RBFOX1: variants seen among roughly 807,000 people sequenced by gnomAD.
The protein encoded by RBFOX1 is RNA binding protein fox-1 homolog 1.
RBFOX1 carries 8 observed loss-of-function variants against 57.7 expected under a neutral mutation model. The observed-to-expected ratio is 0.14, with a 90% CI of 0.08 to 0.25. The LOEUF (loss-of-function observed/expected upper bound fraction) is 0.25, where lower values mean the gene tolerates loss of function less well. RBFOX1 is among the 10% of genes least tolerant of loss of function. The probability of loss-of-function intolerance (pLI) is 1.00; values close to 1 mark genes in which losing one functional copy is unlikely to be tolerated. For synonymous variants in RBFOX1, 326 were observed against 222.4 expected (o/e 1.47, Z -4.15); for missense variants, 611 against 548.5 (o/e 1.11, Z -1.14).
rs566245776 is a variant in RBFOX1, at chr16:5,829,582, TC to T, written c.319-37716del. On this transcript the variant is annotated intron_variant, in intron 3 of 19. Transcript: ENST00000641259. Reference sequence around the variant, plus strand: ...TGGCCCTCTTCTACCTCCTCCAACATCCCCCTCCATCCCCTCCTTTTCTTTC... The same window carrying T: ...TGGCCCTCTTCTACCTCCTCCAACATCCCCTCCATCCCCTCCTTTTCTTTC... Among the ~76,000 whole-genome samples, 502 of 152,152 alleles carry T rather than the reference TC, an allele frequency of 3.3e-3. 6 individuals carry two copies. The highest frequency in any genetic ancestry group is 0.011 in the African/African-American group (466 of 41,522).
intron 2 of RBFOX1, among the ~76,000 whole-genome samples, chr16:5,477,433 C>A (rs2069367707): frequency 6.6e-6 from 1 of 152,136 alleles, no homozygotes; most frequent in Admixed American, 6.5e-5. Flanking sequence ...AATGCTCAGC[C>A]CCTCCTGGGG....
At chr16:7,637,744 A>AT (rs1428919985) in intron 11 of RBFOX1, among the ~76,000 whole-genome samples, 1 of 151,958 alleles carries the variant, frequency 6.6e-6, no homozygotes, top group African/African-American at 2.4e-5. Flanking sequence ...CCTCCTAGAT[A>AT]TTTTTCTACT....
At chr16:5,907,720 T>A (rs537324521) in intron 4 of RBFOX1, among the ~76,000 whole-genome samples, 5 of 129,470 alleles carry the variant, frequency 3.9e-5, no homozygotes, top group African/African-American at 1.6e-4. Flanking sequence ...AGGAGACTAT[T>A]TATCATCATC....
intron 3 of RBFOX1, among the ~76,000 whole-genome samples, chr16:6,851,977 G>A (rs934984869): frequency 3.3e-5 from 5 of 150,872 alleles, no homozygotes; most frequent in Non-Finnish European, 5.9e-5. Context: ...CCAGGCTGGA[G>A]TCCAGTGGTG....
At chr16:7,367,906 A>ACACG (rs1015526536) in intron 4 of RBFOX1, among the ~76,000 whole-genome samples, 2 of 151,240 alleles carry the variant, frequency 1.3e-5, no homozygotes, top group African/African-American at 4.9e-5. Flanking sequence ...ACACACACAC[A>ACACG]CACACACAGA....
At chr16:5,796,848 A>G (rs1423820147) in intron 3 of RBFOX1, among the ~76,000 whole-genome samples, 1 of 152,050 alleles carries the variant, frequency 6.6e-6, no homozygotes, top group East Asian at 1.9e-4. Flanking sequence ...TAACCTCTAT[A>G]TGGCCCTCAC....
chr16:5,820,411 C>G (rs548071790), intron 3 of RBFOX1, among the ~76,000 whole-genome samples: 1 of 152,072 alleles, frequency 6.6e-6, no homozygotes, highest in Non-Finnish European at 1.5e-5. Context: ...GAGGAAGGAC[C>G]ATCCCGGTGA....
chr16:6,100,705 T>C (rs943944612), intron 1 of RBFOX1, among the ~76,000 whole-genome samples: 2 of 152,180 alleles, frequency 1.3e-5, no homozygotes, highest in Non-Finnish European at 2.9e-5. Context: ...GAGACTATTA[T>C]TGTTTCTGTG....
intron 2 of RBFOX1, among the ~76,000 whole-genome samples, chr16:5,475,316 TTAAG>T (rs2069282591): frequency 6.6e-6 from 1 of 152,250 alleles, no homozygotes; most frequent in Non-Finnish European, 1.5e-5. Context: ...CATCCTGCTA[TTAAG>T]TCTACATTCG....
At chr16:5,741,787 T>C (rs1189027304) in intron 3 of RBFOX1, among the ~76,000 whole-genome samples, 1 of 152,206 alleles carries the variant, frequency 6.6e-6, no homozygotes. Flanking sequence ...GTAGAAACTT[T>C]CGTTAAAGAA....
intron 1 of RBFOX1, among the ~76,000 whole-genome samples, chr16:6,240,569 A>G (rs2097534939): frequency 1.3e-5 from 2 of 152,048 alleles, no homozygotes. Flanking sequence ...TTTGTCTGCA[A>G]GTACAAACCC....
At chr16:6,942,775 A>G (rs1223721661) in intron 3 of RBFOX1, among the ~76,000 whole-genome samples, 1 of 152,192 alleles carries the variant, frequency 6.6e-6, no homozygotes, top group Non-Finnish European at 1.5e-5. Flanking sequence ...AAATAAGGGC[A>G]AATGGTTTTT....
At chr16:7,709,447 CTTT>C (rs75160475) in intron 15 of RBFOX1, 18 of 1,309,462 alleles carry the variant, frequency 1.4e-5, no homozygotes, top group Middle Eastern at 1.9e-4. Flanking sequence ...CAATGCAGAA[CTTT>C]TTTTTTTCTT....
At chr16:5,709,826 T>C (rs2051395652) in intron 3 of RBFOX1, among the ~76,000 whole-genome samples, 1 of 11,416 alleles carries the variant, frequency 8.8e-5, no homozygotes, top group Non-Finnish European at 2.1e-4. Flanking sequence ...TATATATATA[T>C]ATATATATAT....
intron 4 of RBFOX1, among the ~76,000 whole-genome samples, chr16:7,227,883 T>C (rs1603387942): frequency 2.0e-5 from 3 of 152,320 alleles, no homozygotes; most frequent in South Asian, 4.1e-4. Context: ...TTTAATGATA[T>C]TAGCTCACGT....
At chr16:7,293,145 T>A (rs1172147433) in intron 4 of RBFOX1, among the ~76,000 whole-genome samples, 5 of 152,164 alleles carry the variant, frequency 3.3e-5, no homozygotes, top group Non-Finnish European at 1.5e-5. Context: ...ATAGATTCAG[T>A]CAACTGCAGA....
chr16:7,583,948 T>G (rs931426792), intron 6 of RBFOX1, among the ~76,000 whole-genome samples: 7 of 152,186 alleles, frequency 4.6e-5, no homozygotes, highest in African/African-American at 1.7e-4. Flanking sequence ...CAAAGGAAGA[T>G]TTCAAGATCA....
chr16:5,880,104 A>G (rs986757224), intron 4 of RBFOX1, among the ~76,000 whole-genome samples: 1 of 151,952 alleles, frequency 6.6e-6, no homozygotes, highest in Middle Eastern at 3.4e-3. Flanking sequence ...TGCTTCACTG[A>G]CTCCTACACT....
rs113926829 is a variant in RBFOX1, at chr16:7,187,094, A to G, written c.27+134996A>G. Among the ~76,000 whole-genome samples, 163 of 151,590 alleles carry G rather than the reference A, an allele frequency of 1.1e-3. 1 individual carries two copies. The highest frequency in any genetic ancestry group is 3.7e-3 in the African/African-American group (152 of 41,258). On this transcript the variant is annotated intron_variant, in intron 4 of 15. Coordinates refer to ENST00000550418, the MANE Select transcript of RBFOX1 (RefSeq NM_018723.4). ...GAGGTAGGAGGACCACTTTAGCCTC[A>G]TGAGGTCAGGGCTGCAGTGAGCCAT...
Sources: allele counts gnomAD v4.1 joint callset (sites outside exome capture counted in the v4.1 genomes callset), GRCh38; gene constraint gnomAD v4.1.1; transcripts MANE v1.5; gene names NCBI Gene and HGNC (gene_info 2026-07-23, HGNC 2026-07-21).